The following ARPP21 variants were observed in gnomAD, a reference collection of about 807,000 sequenced individuals.
ARPP21 encodes the protein cAMP-regulated phosphoprotein 21.
Under a neutral mutation model 113.2 loss-of-function variants are expected in ARPP21, and 69 were observed. The observed-to-expected ratio is 0.61, with a 90% confidence interval of 0.50 to 0.74. The LOEUF (loss-of-function observed/expected upper bound fraction) is 0.74, where lower values mean the gene tolerates loss of function less well. ARPP21 is among the 30% of genes least tolerant of loss of function. ARPP21 has a pLI of 0.00. For missense variants in ARPP21, 1,070 were observed against 1,037.4 expected (o/e 1.03, Z -0.43); for synonymous variants, 368 against 375.5 (o/e 0.98, Z 0.23).
At chr3:35,744,642 T>C (rs1313044969) in intron 19 of ARPP21, 5 of 368,324 alleles carry the variant, frequency 1.4e-5, no homozygotes, top group Non-Finnish European at 2.3e-5. Context: ...GAGGTTTGTG[T>C]CATTCCTGCT....
At chr3:35,740,961 G>T (rs2094620519) in intron 18 of ARPP21, among the ~76,000 whole-genome samples, 2 of 151,954 alleles carry the variant, frequency 1.3e-5, no homozygotes, top group South Asian at 4.1e-4. Flanking sequence ...AAATAGCTGG[G>T]TGTGGTGGCA....
At chr3:35,702,649 A>G (rs2149881089) in intron 9 of ARPP21, among the ~76,000 whole-genome samples, 1 of 151,868 alleles carries the variant, frequency 6.6e-6, no homozygotes, top group East Asian at 1.9e-4. Flanking sequence ...TGAATTTTGC[A>G]AGGGTGTTTC....
intron 10 of ARPP21, among the ~76,000 whole-genome samples, chr3:35,707,955 T>G (rs182454823): frequency 9.2e-5 from 14 of 152,282 alleles, no homozygotes; most frequent in Non-Finnish European, 1.5e-4. Context: ...AAATAGACTT[T>G]TTTTGAAAAT....
At chr3:35,728,604 G>C (rs1220756602) in intron 14 of ARPP21, among the ~76,000 whole-genome samples, 2 of 150,750 alleles carry the variant, frequency 1.3e-5, no homozygotes, top group African/African-American at 4.9e-5. Flanking sequence ...GTTTAAAGTT[G>C]CCTCTGGTCA....
At chr3:35,788,523 A>G (rs2096678068) in intron 19 of ARPP21, among the ~76,000 whole-genome samples, 1 of 152,176 alleles carries the variant, frequency 6.6e-6, no homozygotes, top group Non-Finnish European at 1.5e-5. Context: ...TGTGCTTGGT[A>G]TAGAAATTTG....
chr3:35,776,510 T>G (rs749122085), intron 19 of ARPP21, among the ~76,000 whole-genome samples: 4 of 152,074 alleles, frequency 2.6e-5, no homozygotes, highest in Non-Finnish European at 4.4e-5. Context: ...CCAGAAAAAG[T>G]TGGAAAGGTA....
chr3:35,728,263 G>A (rs2093685972), intron 14 of ARPP21, among the ~76,000 whole-genome samples: 1 of 130,680 alleles, frequency 7.7e-6, no homozygotes, highest in Admixed American at 9.0e-5. Flanking sequence ...CTGTCGCCCA[G>A]GCTGGAGTGC....
intron 19 of ARPP21, among the ~76,000 whole-genome samples, chr3:35,778,809 C>A (rs985788078): frequency 3.3e-5 from 5 of 152,094 alleles, no homozygotes; most frequent in African/African-American, 4.8e-5. Context: ...AATAATGATA[C>A]CCACTTCACA....
intron 19 of ARPP21, among the ~76,000 whole-genome samples, chr3:35,760,387 A>G (rs2095724576): frequency 6.6e-6 from 1 of 152,106 alleles, no homozygotes. Flanking sequence ...TACGATGACA[A>G]CTGCCATCTG....
intron 11 of ARPP21, among the ~76,000 whole-genome samples, chr3:35,712,532 G>GTT (rs2091451339): frequency 1.3e-5 from 2 of 150,544 alleles, no homozygotes; most frequent in Admixed American, 1.3e-4. Flanking sequence ...GTGTGTGTGT[G>GTT]TGTGTGTGTG....
intron 14 of ARPP21, among the ~76,000 whole-genome samples, chr3:35,722,291 G>A (rs2150323300): frequency 6.6e-6 from 1 of 152,208 alleles, no homozygotes; most frequent in East Asian, 1.9e-4. Context: ...ACACGCCGTA[G>A]GATAATTATA....
chr3:35,662,974 C>T (rs1708492051), intron 1 of ARPP21, among the ~76,000 whole-genome samples: 1 of 151,988 alleles, frequency 6.6e-6, no homozygotes, highest in Non-Finnish European at 1.5e-5. Context: ...TACAAACATA[C>T]AGCAAGATAG....
At chr3:35,709,154 A>T in intron 11 of ARPP21, 84 bp downstream of exon 11, 1 of 929,382 alleles carries the variant, frequency 1.1e-6, no homozygotes, top group Non-Finnish European at 1.7e-6. Context: ...GCGAGGTGGC[A>T]GGGAATAAAA....
intron 1 of ARPP21, among the ~76,000 whole-genome samples, chr3:35,667,905 AAGAGGAAGGAGGAGG>A (rs2074947320): frequency 1.1e-5 from 1 of 92,908 alleles, no homozygotes; most frequent in South Asian, 4.6e-4. Flanking sequence ...GAGGAAGAGG[AAGAGGAAGGAGGAGG>A]AGGAGGAGGA....
chr3:35,687,949 T>C (rs756194950), intron 6 of ARPP21, 66 bp downstream of exon 6: 119 of 1,450,786 alleles, frequency 8.2e-5, no homozygotes, highest in Non-Finnish European at 1.1e-4. Context: ...GAACACATTC[T>C]AGATTTCACA....
intron 19 of ARPP21, among the ~76,000 whole-genome samples, chr3:35,773,369 G>C (rs2096264260): frequency 6.6e-6 from 1 of 152,070 alleles, no homozygotes; most frequent in African/African-American, 2.4e-5. Flanking sequence ...AATTTGGCAG[G>C]GGAAGTAACT....
intron 9 of ARPP21, among the ~76,000 whole-genome samples, chr3:35,700,604 G>C (rs2149834173): frequency 6.6e-6 from 1 of 151,674 alleles, no homozygotes; most frequent in African/African-American, 2.4e-5. Flanking sequence ...AAACTTGCAA[G>C]AAATTAGTAC....
upstream of ARPP21, chr3:35,638,860 C>G (rs2148814607): frequency 6.6e-6 from 1 of 152,446 alleles, no homozygotes; most frequent in African/African-American, 2.4e-5. Flanking sequence ...TTCAGTCTTG[C>G]TCAAAGCAAA....
intron 19 of ARPP21, among the ~76,000 whole-genome samples, chr3:35,763,379 G>C (rs1413563200): frequency 1.3e-5 from 2 of 152,086 alleles, no homozygotes; most frequent in Non-Finnish European, 2.9e-5. Flanking sequence ...AGTCCCGTGA[G>C]GACCACCTGG....
Sources: allele counts gnomAD v4.1 joint callset (sites outside exome capture counted in the v4.1 genomes callset), GRCh38; gene constraint gnomAD v4.1.1; transcripts MANE v1.5; gene names NCBI Gene and HGNC (gene_info 2026-07-23, HGNC 2026-07-21).